The following CDH13 variants were observed in gnomAD, a reference collection of about 807,000 sequenced individuals.
The protein encoded by CDH13 is cadherin-13.
A neutral mutation model predicts 63.8 loss-of-function variants in CDH13; 24 were observed. That is an observed-to-expected ratio of 0.38 (90% confidence interval 0.27 to 0.53). The LOEUF (loss-of-function observed/expected upper bound fraction) is 0.53. CDH13 is among the 20% of genes least tolerant of loss of function. The pLI, the probability that CDH13 is intolerant of heterozygous loss-of-function variation, is 0.85. For missense variants in CDH13, 1,049 were observed against 903.1 expected (o/e 1.16, Z -2.07); for synonymous variants, 503 against 355.3 (o/e 1.42, Z -4.67).
At chr16:83,463,805 C>CA (rs1163295142) in intron 6 of CDH13, among the ~76,000 whole-genome samples, 2 of 151,730 alleles carry the variant, frequency 1.3e-5, no homozygotes, top group African/African-American at 2.4e-5. Context: ...ACTCTGTCTC[C>CA]AAAAAAAGCA....
chr16:83,059,624 G>T (rs1321224400), intron 3 of CDH13, among the ~76,000 whole-genome samples: 2 of 152,046 alleles, frequency 1.3e-5, no homozygotes. Context: ...CCAGGCTGTT[G>T]CATGACAAGT....
chr16:83,625,387 C>G (rs1209760750), intron 8 of CDH13, among the ~76,000 whole-genome samples: 2 of 152,190 alleles, frequency 1.3e-5, no homozygotes, highest in African/African-American at 4.8e-5. Context: ...CACTTCCACC[C>G]TATACAGTTG....
chr16:83,590,497 G>T (rs1906630475), intron 7 of CDH13, among the ~76,000 whole-genome samples: 1 of 152,206 alleles, frequency 6.6e-6, no homozygotes, highest in African/African-American at 2.4e-5. Context: ...TTGGCCCATG[G>T]AGGATAAGGG....
At chr16:83,190,375 C>A (rs1166972822) in intron 4 of CDH13, among the ~76,000 whole-genome samples, 4 of 152,164 alleles carry the variant, frequency 2.6e-5, no homozygotes, top group Non-Finnish European at 4.4e-5. Context: ...CTGTCCTTCA[C>A]CATAGTTCTA....
At chr16:82,887,679 G>A (rs1183025489) in intron 2 of CDH13, among the ~76,000 whole-genome samples, 1 of 152,134 alleles carries the variant, frequency 6.6e-6, no homozygotes, top group Non-Finnish European at 1.5e-5. Flanking sequence ...AAATTAGCTG[G>A]GCGTGGTGGT....
At chr16:82,803,656 A>G (rs973955777) in intron 1 of CDH13, among the ~76,000 whole-genome samples, 4 of 152,218 alleles carry the variant, frequency 2.6e-5, no homozygotes, top group Non-Finnish European at 2.9e-5. Flanking sequence ...AAAAGAAGAA[A>G]GTCCTACCAT....
chr16:82,834,761 A>G (rs536322920), intron 1 of CDH13, among the ~76,000 whole-genome samples: 1 of 152,190 alleles, frequency 6.6e-6, no homozygotes, highest in Non-Finnish European at 1.5e-5. Flanking sequence ...GCACAATATT[A>G]TGCTCTGGAA....
At chr16:82,657,421 A>C (rs2150919224) in intron 1 of CDH13, among the ~76,000 whole-genome samples, 1 of 152,362 alleles carries the variant, frequency 6.6e-6, no homozygotes, top group East Asian at 1.9e-4. Context: ...GACAGGATGG[A>C]TACACTGAAG....
intron 3 of CDH13, among the ~76,000 whole-genome samples, chr16:83,038,894 T>G (rs1211207985): frequency 6.6e-6 from 1 of 152,222 alleles, no homozygotes; most frequent in African/African-American, 2.4e-5. Context: ...GGCAAGTAAT[T>G]CTGACATCAG....
chr16:83,565,755 C>A (rs28689477), intron 7 of CDH13, among the ~76,000 whole-genome samples: 11,429 of 151,486 alleles, frequency 0.075, 720 homozygotes, highest in African/African-American at 0.15. Flanking sequence ...TTATTATTTT[C>A]TGATAAGTTA....
At chr16:83,078,967 G>A (rs1191760739) in intron 3 of CDH13, among the ~76,000 whole-genome samples, 1 of 152,070 alleles carries the variant, frequency 6.6e-6, no homozygotes, top group African/African-American at 2.4e-5. Context: ...GCTAATTTTT[G>A]TATATTTAGT....
intron 1 of CDH13, among the ~76,000 whole-genome samples, chr16:82,783,482 G>A (rs2035861458): frequency 6.6e-6 from 1 of 152,214 alleles, no homozygotes; most frequent in South Asian, 2.1e-4. Flanking sequence ...CAAGGACACA[G>A]AGAGGTGAGC....
intron 6 of CDH13, among the ~76,000 whole-genome samples, chr16:83,365,362 G>T (rs2091239254): frequency 6.6e-6 from 1 of 152,218 alleles, no homozygotes; most frequent in Non-Finnish European, 1.5e-5. Context: ...ACCACATTAG[G>T]AAGGGTCATT....
intron 1 of CDH13, among the ~76,000 whole-genome samples, chr16:82,842,960 T>C (rs1379705479): frequency 6.6e-6 from 1 of 152,152 alleles, no homozygotes; most frequent in Non-Finnish European, 1.5e-5. Flanking sequence ...CAGGTGGTAA[T>C]GCAAGTGCTG....
intron 1 of CDH13, among the ~76,000 whole-genome samples, chr16:82,649,542 G>C (rs368287848): frequency 2.6e-5 from 4 of 152,146 alleles, no homozygotes; most frequent in South Asian, 2.1e-4. Context: ...ATGGAAAGTG[G>C]GCTTAAGCAG....
intron 1 of CDH13, among the ~76,000 whole-genome samples, chr16:82,665,231 T>G (rs1037925367): frequency 6.6e-6 from 1 of 152,220 alleles, no homozygotes; most frequent in African/African-American, 2.4e-5. Context: ...TGGCCCCAAG[T>G]GGACTGCAGA....
intron 1 of CDH13, among the ~76,000 whole-genome samples, chr16:82,681,078 C>T (rs1439832129): frequency 6.6e-6 from 1 of 152,154 alleles, no homozygotes; most frequent in Non-Finnish European, 1.5e-5. Flanking sequence ...AAGGGGCTTG[C>T]CCAGCACTAT....
chr16:82,794,073 G>T (rs776256205), intron 1 of CDH13, among the ~76,000 whole-genome samples: 1 of 152,032 alleles, frequency 6.6e-6, no homozygotes, highest in African/African-American at 2.4e-5. Context: ...TCCGAGGCCC[G>T]TGGGTCACAT....
At chr16:83,649,357 T>C (rs1288168022) in intron 8 of CDH13, among the ~76,000 whole-genome samples, 1 of 152,226 alleles carries the variant, frequency 6.6e-6, no homozygotes, top group African/African-American at 2.4e-5. Context: ...CCTACCTTCA[T>C]TGCATTTTTC....
Sources: allele counts gnomAD v4.1 joint callset (sites outside exome capture counted in the v4.1 genomes callset), GRCh38; gene constraint gnomAD v4.1.1; transcripts MANE v1.5; gene names NCBI Gene and HGNC (gene_info 2026-07-23, HGNC 2026-07-21).